The following CHST11 variants were observed in gnomAD, a reference collection of about 807,000 sequenced individuals.
CHST11 encodes carbohydrate sulfotransferase 11.
CHST11 carries 9 observed loss-of-function variants against 30.4 expected under a neutral mutation model. The ratio of observed to expected loss-of-function variants is 0.30; its 90% CI spans 0.18 to 0.52. The LOEUF is 0.52. Ranked by LOEUF, CHST11 falls within the 20% of genes least tolerant of loss-of-function variation. The probability of loss-of-function intolerance (pLI) is 0.97; values close to 1 mark genes in which losing one functional copy is unlikely to be tolerated. For synonymous variants in CHST11, 152 were observed against 187.8 expected (o/e 0.81, Z 1.56); for missense variants, 348 against 460.6 (o/e 0.76, Z 2.24).
rs374317582 is a variant in CHST11, at chr12:104,504,422, G to T, written c.118+46893G>T. On this transcript the variant is annotated intron_variant, in intron 1 of 2. Coordinates refer to ENST00000303694, the MANE Select transcript of CHST11 (RefSeq NM_018413.6). ...TGGCACTGCTGAGTCCTGTTTCTTC[G>T]ATGTCACCTCAGTGGCAGCAGGTGG... Among the ~76,000 whole-genome samples, 17 of 152,318 alleles carry T rather than the reference G, an allele frequency of 1.1e-4. No homozygotes were observed. In the East Asian group the frequency reaches 1.9e-3, roughly 17 times the overall value.
intron 2 of CHST11, among the ~76,000 whole-genome samples, chr12:104,716,027 C>T (rs1400128151): frequency 6.6e-6 from 1 of 152,172 alleles, no homozygotes; most frequent in Non-Finnish European, 1.5e-5. Context: ...CAGCTCCAGC[C>T]CAGGCCTGGG....
intron 2 of CHST11, among the ~76,000 whole-genome samples, chr12:104,756,085 G>A (rs1326064485): frequency 6.6e-6 from 1 of 152,186 alleles, no homozygotes; most frequent in Non-Finnish European, 1.5e-5. Context: ...CTATTCCATA[G>A]CCCTGTGCCC....
At chr12:104,592,463 T>G (rs928882461) in intron 1 of CHST11, among the ~76,000 whole-genome samples, 4 of 152,158 alleles carry the variant, frequency 2.6e-5, no homozygotes, top group South Asian at 2.1e-4. Context: ...TGGTCTTTTT[T>G]GGGACGTCTT....
intron 2 of CHST11, among the ~76,000 whole-genome samples, chr12:104,643,094 C>T (rs755180511): frequency 3.3e-5 from 5 of 152,086 alleles, no homozygotes; most frequent in African/African-American, 9.7e-5. Flanking sequence ...GAGGCTGAGG[C>T]GGGAGGATCA....
chr12:104,652,841 C>A (rs1254416370), intron 2 of CHST11, among the ~76,000 whole-genome samples: 2 of 152,166 alleles, frequency 1.3e-5, no homozygotes, highest in African/African-American at 4.8e-5. Flanking sequence ...ACAGTCTCAT[C>A]CTGGCCAGCG....
At chr12:104,748,856 C>T (rs1039496394) in intron 2 of CHST11, among the ~76,000 whole-genome samples, 4 of 152,120 alleles carry the variant, frequency 2.6e-5, no homozygotes, top group Non-Finnish European at 4.4e-5. Flanking sequence ...GGGAGGAGAA[C>T]CCAGCAAGCT....
intron 1 of CHST11, among the ~76,000 whole-genome samples, chr12:104,580,068 T>C (rs2038725698): frequency 1.3e-5 from 2 of 152,258 alleles, no homozygotes; most frequent in African/African-American, 4.8e-5. Context: ...GAAAAAGGCC[T>C]GAACTTTCAA....
intron 1 of CHST11, among the ~76,000 whole-genome samples, chr12:104,554,465 G>A (rs1159184138): frequency 6.6e-6 from 1 of 152,192 alleles, no homozygotes; most frequent in Non-Finnish European, 1.5e-5. Context: ...ATGGGCTCTG[G>A]TGCTGGTATT....
chr12:104,485,247 G>A (rs1403673841), intron 1 of CHST11, among the ~76,000 whole-genome samples: 1 of 152,112 alleles, frequency 6.6e-6, no homozygotes, highest in Non-Finnish European at 1.5e-5. Context: ...GAGGTTCCCC[G>A]ACCTTGCTTT....
chr12:104,536,866 G>T (rs575151651), intron 1 of CHST11, among the ~76,000 whole-genome samples: 1 of 152,284 alleles, frequency 6.6e-6, no homozygotes, highest in Non-Finnish European at 1.5e-5. Context: ...CGGCTTCTCT[G>T]TGCCTGGAAC....
chr12:104,690,276 G>A (rs1592840697), intron 2 of CHST11, among the ~76,000 whole-genome samples: 1 of 152,178 alleles, frequency 6.6e-6, no homozygotes, highest in South Asian at 2.1e-4. Flanking sequence ...TTTGTTTTGG[G>A]ACTCCGTGAG....
chr12:104,613,770 A>G (rs2039082505), intron 2 of CHST11, among the ~76,000 whole-genome samples: 1 of 152,230 alleles, frequency 6.6e-6, no homozygotes, highest in African/African-American at 2.4e-5. Flanking sequence ...GGACTAATAC[A>G]GGGACAGTAT....
chr12:104,521,628 C>G (rs2038074766), intron 1 of CHST11, among the ~76,000 whole-genome samples: 1 of 152,130 alleles, frequency 6.6e-6, no homozygotes, highest in Non-Finnish European at 1.5e-5. Context: ...CCAACACATC[C>G]TGGGAAGAAA....
chr12:104,744,313 G>A (rs1219479784), intron 2 of CHST11, among the ~76,000 whole-genome samples: 2 of 152,146 alleles, frequency 1.3e-5, no homozygotes, highest in Non-Finnish European at 2.9e-5. Flanking sequence ...GTGTGAGATG[G>A]TATCTCATTG....
intron 1 of CHST11, among the ~76,000 whole-genome samples, chr12:104,511,293 C>T (rs2037963239): frequency 6.6e-6 from 1 of 152,182 alleles, no homozygotes; most frequent in South Asian, 2.1e-4. Context: ...TCCTTCTTTG[C>T]ATTGCTCAGG....
At chr12:104,514,266 G>A (rs1722421687) in intron 1 of CHST11, 2 of 859,762 alleles carry the variant, frequency 2.3e-6, no homozygotes, top group Non-Finnish European at 4.0e-6. Context: ...AGTTGGTGTG[G>A]GTGGTTCAGG....
chr12:104,473,003 T>C (rs932203144), intron 1 of CHST11, among the ~76,000 whole-genome samples: 1 of 152,104 alleles, frequency 6.6e-6, no homozygotes, highest in African/African-American at 2.4e-5. Context: ...GAGGTGAACC[T>C]GGATGGCTCT....
rs2037359729 is a variant in CHST11 at position 104,457,268 on chromosome 12, C to CGCGAA, written c.-139_-135dup. ...CCGGGCTGGGGGCTCCGAGAGCGGC[C>CGCGAA]GCGAAGCGACTCCGATCCTCCCTCT... On this transcript the variant is annotated 5_prime_UTR_variant, in exon 1 of 3. Coordinates refer to ENST00000303694, the MANE Select transcript of CHST11 (RefSeq NM_018413.6). 1 of 599,188 alleles carries CGCGAA rather than the reference C, an allele frequency of 1.7e-6. No individual in the cohort carries two copies. Among genetic ancestry groups the CGCGAA allele is most frequent in the South Asian group, 2.0e-5 (1 of 49,822 alleles). The allele number at this position is 599,188 out of a possible 1,614,324, so 37.1% of individuals were successfully genotyped here.
At chr12:104,536,592 C>T (rs115098123) in intron 1 of CHST11, among the ~76,000 whole-genome samples, 2 of 152,200 alleles carry the variant, frequency 1.3e-5, no homozygotes, top group South Asian at 2.1e-4. Context: ...ATTTTTGGAT[C>T]GGATCAGAAC....
Sources: allele counts gnomAD v4.1 joint callset (sites outside exome capture counted in the v4.1 genomes callset), GRCh38; gene constraint gnomAD v4.1.1; transcripts MANE v1.5; gene names NCBI Gene and HGNC (gene_info 2026-07-23, HGNC 2026-07-21).